The following SLC13A1 variants were observed in gnomAD, a reference collection of about 807,000 sequenced individuals.
The protein encoded by SLC13A1 is solute carrier family 13 member 1.
SLC13A1 carries 65 observed loss-of-function variants against 70.0 expected under a neutral mutation model. That is an observed-to-expected ratio of 0.93 (90% CI 0.76 to 1.14). The LOEUF is 1.14. SLC13A1 is among the 50% of genes most tolerant of loss of function. The pLI is 0.00. For missense variants in SLC13A1, 726 were observed against 717.8 expected (o/e 1.01, Z -0.13); for synonymous variants, 275 against 250.5 (o/e 1.10, Z -0.92).
chr7:123,114,284 A>C lies in SLC13A1; in HGVS notation c.*1234T>G. On this transcript the variant is annotated 3_prime_UTR_variant, in exon 15 of 15. Transcript: ENST00000194130. ...TCTTTAAAAATTTATTTATTGATATATAATATTTGTACATATTTTGGGGGT... is the reference window on the plus strand; with the variant it reads ...TCTTTAAAAATTTATTTATTGATATCTAATATTTGTACATATTTTGGGGGT... 1 of 152,176 alleles carries C rather than the reference A, an allele frequency of 6.6e-6. No homozygotes were observed. The highest frequency in any genetic ancestry group is 3.4e-3 in the Middle Eastern group (1 of 294). 9.4% of individuals were successfully genotyped at this position (152,176 alleles called of 1,614,324 possible).
chr7:123,178,033 C>CTCTCTATATATA (rs761704605), intron 2 of SLC13A1, among the ~76,000 whole-genome samples: 4 of 149,958 alleles, frequency 2.7e-5, no homozygotes, highest in Non-Finnish European at 5.9e-5. Context: ...CTCTCTCTCT[C>CTCTCTATATATA]TATATATATA....
At chr7:123,117,663 C>CA in intron 13 of SLC13A1, 55 bp from the exon 14 acceptor site, 4 of 1,115,484 alleles carry the variant, frequency 3.6e-6, no homozygotes, top group Non-Finnish European at 3.7e-6. Flanking sequence ...AGACACGAAA[C>CA]ATAAAAAAAA....
chr7:123,174,468 T>G (rs935773953), intron 2 of SLC13A1, among the ~76,000 whole-genome samples: 1 of 152,166 alleles, frequency 6.6e-6, no homozygotes, highest in African/African-American at 2.4e-5. Context: ...TCACTTCCAA[T>G]ATAAGTCCTA....
intron 7 of SLC13A1, among the ~76,000 whole-genome samples, chr7:123,140,718 G>C (rs967532637): frequency 6.6e-6 from 1 of 151,962 alleles, no homozygotes. Context: ...GCATATAGCT[G>C]CTCATAGTCA....
At chr7:123,117,174 C>T (rs528065724) in intron 14 of SLC13A1, among the ~76,000 whole-genome samples, 6 of 152,190 alleles carry the variant, frequency 3.9e-5, no homozygotes, top group Non-Finnish European at 5.9e-5. Context: ...CTAGTGTTGA[C>T]TTGTAGGTTT....
chr7:123,165,896 G>A (rs964480675), intron 6 of SLC13A1, among the ~76,000 whole-genome samples: 2 of 151,958 alleles, frequency 1.3e-5, no homozygotes, highest in African/African-American at 4.8e-5. Context: ...ACTACTTATC[G>A]AATACATCCT....
intron 6 of SLC13A1, among the ~76,000 whole-genome samples, chr7:123,162,865 G>T (rs927515170): frequency 2.0e-5 from 3 of 152,086 alleles, no homozygotes; most frequent in Admixed American, 1.3e-4. Context: ...AAAGCAAGAT[G>T]TAATTTATTC....
intron 7 of SLC13A1, among the ~76,000 whole-genome samples, chr7:123,136,630 C>A (rs927129485): frequency 6.6e-6 from 1 of 152,104 alleles, no homozygotes; most frequent in African/African-American, 2.4e-5. Flanking sequence ...CAGGTGCTCT[C>A]CAAGCTACTG....
At chr7:123,160,225 C>T (rs568730794) in intron 6 of SLC13A1, among the ~76,000 whole-genome samples, 65 of 147,526 alleles carry the variant, frequency 4.4e-4, no homozygotes, top group African/African-American at 1.6e-3. Flanking sequence ...GAGCTGAGAT[C>T]GTGTCACTGC....
chr7:123,117,638 T>G, intron 13 of SLC13A1, 30 bp from the exon 14 acceptor site: 1 of 1,480,208 alleles, frequency 6.8e-7, no homozygotes, highest in Non-Finnish European at 9.1e-7. Flanking sequence ...AGAGTCTAAG[T>G]AAAATTTTGA....
intron 1 of SLC13A1, among the ~76,000 whole-genome samples, chr7:123,184,637 C>T (rs1299893571): frequency 3.3e-5 from 5 of 151,774 alleles, no homozygotes; most frequent in African/African-American, 1.2e-4. Flanking sequence ...GTCTCTCTCT[C>T]TCCATGTGTG....
Position 123,115,656 on chromosome 7 carries a change from C to T in SLC13A1, c.1651-1G>A, listed in dbSNP as rs749134770. The T allele has an allele frequency of 1.9e-5, 31 of 1,613,386 alleles. No homozygotes were observed. Among genetic ancestry groups the T allele is most frequent in the Non-Finnish European group, 2.3e-5 (27 of 1,179,598 alleles). On this transcript the variant is annotated splice_acceptor_variant, in intron 14 of 14. Coordinates refer to ENST00000194130, the MANE Select transcript of SLC13A1 (RefSeq NM_022444.4). LOFTEE classifies it high-confidence loss of function. ...TGTTGACACCAAGTCCAGCTTTAAC[C>T]TTGAACAGGAAAGAGCATAAATGTC...
Position 123,169,176 on chromosome 7 carries a change from T to C in SLC13A1, c.525A>G (p.Gly175=), listed in dbSNP as rs140031525. ...VEATQMTYFN[G]STNHGLEIDE... ...CAATTTCTAGTCCGTGGTTGGTTGA[T>C]CCGTTGAAGTAAGTCATCTGAGTGG... is the stretch of plus-strand genomic sequence containing the variant. Residue 175 remains glycine, a synonymous_variant, in exon 4 of 15, where the codon GGA becomes GGG. Transcript: ENST00000194130. 1.3e-4 allele frequency: 207 copies of C among 1,614,078 alleles called. No homozygotes were observed. The highest frequency in any genetic ancestry group is 1.3e-3 in the African/African-American group (96 of 75,038).
At chr7:123,171,639 GA>G (rs993860950) in intron 3 of SLC13A1, 128 bp downstream of exon 3, 39 of 973,514 alleles carry the variant, frequency 4.0e-5, no homozygotes, top group Admixed American at 1.2e-4. Context: ...ATTTGCAGAG[GA>G]AAAAACGTCA....
At chr7:123,149,686 A>G (rs1794488280) in intron 6 of SLC13A1, 1 of 449,794 alleles carries the variant, frequency 2.2e-6, no homozygotes. Flanking sequence ...AGGGGTAGAA[A>G]GAGTATCATT....
chr7:123,123,641 C>T (rs1335550238), intron 11 of SLC13A1, among the ~76,000 whole-genome samples: 1 of 152,058 alleles, frequency 6.6e-6, no homozygotes, highest in Non-Finnish European at 1.5e-5. Context: ...CCAATAGCAT[C>T]TTGTAGCATT....
intron 1 of SLC13A1, among the ~76,000 whole-genome samples, chr7:123,190,099 A>T (rs1362294984): frequency 6.6e-6 from 1 of 152,140 alleles, no homozygotes; most frequent in Non-Finnish European, 1.5e-5. Context: ...TTTTAGGTAA[A>T]TTCCTAGTAT....
intron 2 of SLC13A1, among the ~76,000 whole-genome samples, chr7:123,180,110 T>C (rs1021177393): frequency 4.0e-5 from 6 of 151,758 alleles, no homozygotes; most frequent in Non-Finnish European, 7.4e-5. Flanking sequence ...GAAAACCCAG[T>C]AAGAAAAGAG....
intron 10 of SLC13A1, among the ~76,000 whole-genome samples, chr7:123,128,138 T>C (rs1793627429): frequency 6.6e-6 from 1 of 152,086 alleles, no homozygotes; most frequent in Non-Finnish European, 1.5e-5. Context: ...GTCCTATTAT[T>C]TCTTCAGAAA....
Sources: gnomAD v4.1 joint callset for allele counts (sites outside exome capture counted in the v4.1 genomes callset) on GRCh38, gnomAD v4.1.1 for gene constraint, MANE v1.5 for transcripts, NCBI Gene and HGNC (gene_info 2026-07-23, HGNC 2026-07-21) for gene names.